Variants in RAB7A observed in about 807,000 individuals in gnomAD.
RAB7A encodes the protein RAB7A, member RAS oncogene family.
A neutral mutation model predicts 24.5 loss-of-function variants in RAB7A; 2 were observed. That is an observed-to-expected ratio of 0.08 (90% CI 0.03 to 0.26). The LOEUF is 0.26. Ranked by LOEUF, RAB7A falls within the 10% of genes least tolerant of loss-of-function variation. The pLI, the probability that RAB7A is intolerant of heterozygous loss-of-function variation, is 1.00. For synonymous variants in RAB7A, 100 were observed against 95.9 expected (o/e 1.04, Z -0.25); for missense variants, 118 against 255.7 (o/e 0.46, Z 3.67).
At chr3:128,798,227 A>G in intron 3 of RAB7A, 158 bp downstream of exon 3, 2 of 886,260 alleles carry the variant, frequency 2.3e-6, no homozygotes, top group Non-Finnish European at 3.5e-6. Flanking sequence ...TTTCAGATCA[A>G]TAGTGAATAC....
At chr3:128,809,504 T>C (rs773567072) in intron 5 of RAB7A, among the ~76,000 whole-genome samples, 8 of 152,212 alleles carry the variant, frequency 5.3e-5, no homozygotes, top group Non-Finnish European at 1.2e-4. Context: ...TCAGTTCTCA[T>C]GAGCTGTTGG....
At position 128,790,710 on chromosome 3, in the gene RAB7A, A is replaced by T. The variant is rs533328005; in HGVS notation, c.-8-4650A>T. Among the ~76,000 whole-genome samples the T allele has an allele frequency of 7.0e-4, 106 of 152,240 alleles. 1 individual carries two copies. The highest frequency in any genetic ancestry group is 4.3e-3 in the South Asian group (21 of 4,828). The stretch of plus-strand genomic sequence containing the variant: ...TTCATTTCTGGTGTCTGTTTCATTG[A>T]TCGGTTTAGTCCTATTCCAGCACCC... On this transcript the variant is annotated intron_variant, in intron 1 of 5. Transcript: ENST00000265062.
At chr3:128,726,832 C>T (rs951887779) in intron 1 of RAB7A, among the ~76,000 whole-genome samples, 1 of 152,240 alleles carries the variant, frequency 6.6e-6, no homozygotes, top group Admixed American at 6.5e-5. Flanking sequence ...CAGCCTGACC[C>T]TGTTAGTGGG....
chr3:128,808,032 C>G (rs113027612), intron 5 of RAB7A, among the ~76,000 whole-genome samples: 4 of 152,048 alleles, frequency 2.6e-5, no homozygotes, highest in Non-Finnish European at 5.9e-5. Flanking sequence ...AGCTCTGCTG[C>G]GTACCAATCG....
rs150267504 is a variant in RAB7A at position 128,747,072 on chromosome 3, C to T, written c.-9+20713C>T. On this transcript the variant is annotated intron_variant, in intron 1 of 5. Transcript: ENST00000265062. ...CTGTAATCCCAGCACTTTGGGAGGCCGAAGGGCAAAGATCACTGAGGCCAG... is the reference window on the plus strand; with the variant it reads ...CTGTAATCCCAGCACTTTGGGAGGCTGAAGGGCAAAGATCACTGAGGCCAG... Among the ~76,000 whole-genome samples the T allele has an allele frequency of 3.3e-4, 50 of 151,454 alleles. 1 individual carries two copies. The highest frequency in any genetic ancestry group is 1.0e-3 in the African/African-American group (42 of 40,900).
chr3:128,813,693 C>T lies in RAB7A; in HGVS notation c.*271C>T, dbSNP rs1044843946. The T allele has an allele frequency of 2.8e-5, 14 of 502,842 alleles. No homozygotes were observed. Among genetic ancestry groups the T allele is most frequent in the Non-Finnish European group, 4.1e-5 (11 of 271,152 alleles). The allele number at this position is 502,842 out of a possible 1,614,324, so 31.1% of individuals were successfully genotyped here. ...GTCTGCCTGCCCACCCACATGAGCCCGCGAGTATGGCAGCAGGACAAGCCA... is the reference window on the plus strand; with the variant it reads ...GTCTGCCTGCCCACCCACATGAGCCTGCGAGTATGGCAGCAGGACAAGCCA... On this transcript the variant is annotated 3_prime_UTR_variant, in exon 6 of 6. Transcript: ENST00000265062.
At position 128,754,044 on chromosome 3, in the gene RAB7A, C is replaced by T. The variant is rs2070709418; in HGVS notation, c.-9+27685C>T. Among the ~76,000 whole-genome samples, 3 of 152,168 alleles carry T rather than the reference C, an allele frequency of 2.0e-5. No individual in the cohort carries two copies. In the South Asian group the frequency reaches 6.2e-4, roughly 32 times the overall value. On this transcript the variant is annotated intron_variant, in intron 1 of 5. Coordinates refer to ENST00000265062, the MANE Select transcript of RAB7A (RefSeq NM_004637.6). ...CTTAACGAGTTTGTTACCACTAGATCTCCCTTCATGAAGGAAGTCATGAAG... is the reference window on the plus strand; with the variant it reads ...CTTAACGAGTTTGTTACCACTAGATTTCCCTTCATGAAGGAAGTCATGAAG...
chr3:128,776,853 A>G (rs1405035209), intron 1 of RAB7A, among the ~76,000 whole-genome samples: 2 of 151,254 alleles, frequency 1.3e-5, no homozygotes, highest in Non-Finnish European at 2.9e-5. Flanking sequence ...CCTAACACCA[A>G]TCTTTGTCTT....
intron 1 of RAB7A, among the ~76,000 whole-genome samples, chr3:128,732,024 C>T (rs1349556156): frequency 2.0e-5 from 3 of 148,082 alleles, no homozygotes; most frequent in South Asian, 2.2e-4. Flanking sequence ...AAAAGTGTCT[C>T]TTTCTTCCAC....
chr3:128,765,041 G>A (rs1003223740), intron 1 of RAB7A: 13 of 1,339,220 alleles, frequency 9.7e-6, no homozygotes, highest in South Asian at 1.2e-5. Context: ...GAGAGGTGGC[G>A]GCGGTGGCTG....
intron 1 of RAB7A, among the ~76,000 whole-genome samples, chr3:128,750,985 A>G (rs1196963024): frequency 6.6e-6 from 1 of 152,240 alleles, no homozygotes; most frequent in Non-Finnish European, 1.5e-5. Flanking sequence ...GCAAGCCCCA[A>G]GCTGTGGCAG....
chr3:128,770,303 G>A (rs557720841), intron 1 of RAB7A, among the ~76,000 whole-genome samples: 4 of 152,240 alleles, frequency 2.6e-5, no homozygotes, highest in East Asian at 1.9e-4. Flanking sequence ...ACCACACCCA[G>A]CCCACAACTT....
At chr3:128,731,540 C>T (rs2070436578) in intron 1 of RAB7A, among the ~76,000 whole-genome samples, 1 of 152,176 alleles carries the variant, frequency 6.6e-6, no homozygotes, top group South Asian at 2.1e-4. Context: ...TCATTTGGTG[C>T]TCACAACTGT....
At chr3:128,736,517 A>G (rs1228094995) in intron 1 of RAB7A, among the ~76,000 whole-genome samples, 1 of 152,210 alleles carries the variant, frequency 6.6e-6, no homozygotes, top group Non-Finnish European at 1.5e-5. Context: ...GCTCTGCATC[A>G]TTCTTACTCC....
intron 1 of RAB7A, among the ~76,000 whole-genome samples, chr3:128,727,442 C>T (rs2070392178): frequency 6.6e-6 from 1 of 152,234 alleles, no homozygotes; most frequent in Non-Finnish European, 1.5e-5. Context: ...GTGCCTCCCA[C>T]CACCTCCTTT....
rs527897770 is a variant in RAB7A, at chr3:128,773,501, C to T, written c.-8-21859C>T. On this transcript the variant is annotated intron_variant, in intron 1 of 5. Transcript: ENST00000265062. Reference sequence around the variant, plus strand: ...TCAGCCCCCGCCCAGCAAGCCGACCCGTCCGGGAGGTGGGGGGCACCTCTG... The same window carrying T: ...TCAGCCCCCGCCCAGCAAGCCGACCTGTCCGGGAGGTGGGGGGCACCTCTG... Among the ~76,000 whole-genome samples the T allele has an allele frequency of 9.7e-3, 1,408 of 144,904 alleles. 20 individuals carry two copies. The highest frequency in any genetic ancestry group is 0.03 in the African/African-American group (1,230 of 40,656).
At chr3:128,753,134 T>C (rs902712492) in intron 1 of RAB7A, among the ~76,000 whole-genome samples, 4 of 152,184 alleles carry the variant, frequency 2.6e-5, no homozygotes, top group Non-Finnish European at 2.9e-5. Flanking sequence ...AGTGGGTGGA[T>C]GTATTCAGTT....
chr3:128,786,549 A>T (rs1933346067), intron 1 of RAB7A, among the ~76,000 whole-genome samples: 1 of 152,156 alleles, frequency 6.6e-6, no homozygotes. Flanking sequence ...AGAAAATGAG[A>T]TGGACAGAGA....
intron 1 of RAB7A, among the ~76,000 whole-genome samples, chr3:128,787,350 C>G (rs1933361435): frequency 6.6e-6 from 1 of 152,186 alleles, no homozygotes; most frequent in African/African-American, 2.4e-5. Context: ...ACATGTAAAT[C>G]AGAACAGTAG....
Sources: gnomAD v4.1 joint callset for allele counts (sites outside exome capture counted in the v4.1 genomes callset) on GRCh38, gnomAD v4.1.1 for gene constraint, MANE v1.5 for transcripts, NCBI Gene and HGNC (gene_info 2026-07-23, HGNC 2026-07-21) for gene names.